The following ATRX variants were observed in gnomAD, a reference collection of about 807,000 sequenced individuals.
ATRX encodes the protein chromatin remodeler ATRX.
ATRX carries 12 observed loss-of-function variants against 172.6 expected under a neutral mutation model. The ratio of observed to expected loss-of-function variants is 0.07; its 90% CI spans 0.04 to 0.11. ATRX has a LOEUF of 0.11. Ranked by LOEUF, ATRX falls within the 10% of genes least tolerant of loss-of-function variation. The pLI is 1.00. For missense variants in ATRX, 1,368 were observed against 1,767.4 expected, an observed-to-expected ratio of 0.77 and a Z score of 4.05; for synonymous variants, 674 against 594.7, an observed-to-expected ratio of 1.13 and a Z score of -1.94.
chrX:77,517,020 T>G (rs868952770), intron 34 of ATRX, among the ~76,000 whole-genome samples: 168 of 109,686 alleles, frequency 1.5e-3, no homozygotes, highest in African/African-American at 5.2e-3. Flanking sequence ...ACTGAAAAAC[T>G]TCTTAAAACG....
intron 1 of ATRX, among the ~76,000 whole-genome samples, chrX:77,757,305 G>A (rs1022822867): frequency 2.7e-5 from 3 of 111,565 alleles, no homozygotes; most frequent in African/African-American, 9.8e-5. Context: ...CACAGCAAGA[G>A]AACTGGATGT....
At chrX:77,555,628 T>G (rs1221291546) in intron 30 of ATRX, among the ~76,000 whole-genome samples, 1 of 110,624 alleles carries the variant, frequency 9.0e-6, no homozygotes, top group African/African-American at 3.3e-5. Context: ...CACTGCATGT[T>G]CTCACTCATA....
intron 4 of ATRX, 125 bp from the exon 5 acceptor site, chrX:77,696,829 T>C: frequency 4.5e-6 from 3 of 673,754 alleles, no homozygotes; most frequent in South Asian, 2.7e-5. Context: ...CAGAATCACC[T>C]AGGGAAGCAT....
intron 21 of ATRX, 104 bp from the exon 22 acceptor site, chrX:77,616,834 G>T: frequency 1.8e-6 from 1 of 556,325 alleles, no homozygotes; most frequent in Admixed American, 2.8e-5. Context: ...AAATAAATAG[G>T]CACTAAACAT....
At chrX:77,734,258 T>TACATACAA (rs1557177669) in intron 1 of ATRX, among the ~76,000 whole-genome samples, 1 of 84,259 alleles carries the variant, frequency 1.2e-5, no homozygotes, top group Non-Finnish European at 2.5e-5. Flanking sequence ...CATACATACA[T>TACATACAA]ACAAAAATTA....
chrX:77,520,474 A>G (rs1166372785), intron 34 of ATRX, among the ~76,000 whole-genome samples: 7 of 111,707 alleles, frequency 6.3e-5, no homozygotes, highest in Admixed American at 9.5e-5. Flanking sequence ...TAAATAAAAT[A>G]CAATTGGCAA....
intron 2 of ATRX, among the ~76,000 whole-genome samples, chrX:77,703,042 A>C (rs1184914289): frequency 3.5e-5 from 4 of 112,717 alleles, no homozygotes; most frequent in Non-Finnish European, 7.5e-5. Flanking sequence ...TAAAACATTA[A>C]ACATCCTTGA....
At position 77,696,709 on chromosome X, in the gene ATRX, G is replaced by GA. The variant is rs1569540561; in HGVS notation, c.243-6dup. ...TTTGTTACAATTGAAGGTTTCCTAT[G>GA]AAAGAATTAAGTTCATAGAATTATG... On this transcript the variant is annotated splice_polypyrimidine_tract_variant and splice_region_variant and intron_variant, in intron 4 of 34. Transcript: ENST00000373344. 7 of 1,190,053 alleles carry GA rather than the reference G, an allele frequency of 5.9e-6. No homozygotes were observed. Among genetic ancestry groups the GA allele is most frequent in the Non-Finnish European group, 8.0e-6 (7 of 876,976 alleles).
At chrX:77,784,446 G>A (rs1218055683) in intron 1 of ATRX, among the ~76,000 whole-genome samples, 1 of 112,162 alleles carries the variant, frequency 8.9e-6, no homozygotes, top group Non-Finnish European at 1.9e-5. Flanking sequence ...GAGAAGATCC[G>A]ACTTCAAACT....
rs782229882 is a variant in ATRX, at chrX:77,652,544, A to G, written c.4318-191T>C. Among the ~76,000 whole-genome samples, 5 of 108,350 alleles carry G rather than the reference A, an allele frequency of 4.6e-5. No homozygotes were observed. In the South Asian group the frequency reaches 2.1e-3, roughly 44 times the overall value. The allele number at this position is 108,350 out of a possible 115,157, so 94.1% of individuals were successfully genotyped here. On this transcript the variant is annotated intron_variant, in intron 14 of 34. Transcript: ENST00000373344. Reference sequence around the variant, plus strand: ...CGGCCGGGCACGGTGGCTCACACCTATAATCCCAGCACTTTGGGAGGCCGA... The same window carrying G: ...CGGCCGGGCACGGTGGCTCACACCTGTAATCCCAGCACTTTGGGAGGCCGA...
chrX:77,542,313 A>C (rs1475397060), intron 30 of ATRX, among the ~76,000 whole-genome samples: 2 of 111,846 alleles, frequency 1.8e-5, no homozygotes, highest in African/African-American at 6.5e-5. Flanking sequence ...AAGGAAATAA[A>C]GAGAGGACAC....
chrX:77,777,835 A>G (rs1557203199), intron 1 of ATRX, among the ~76,000 whole-genome samples: 1 of 111,162 alleles, frequency 9.0e-6, no homozygotes, highest in Non-Finnish European at 1.9e-5. Flanking sequence ...ACACAATCTT[A>G]TTTAAAAGTA....
intron 1 of ATRX, among the ~76,000 whole-genome samples, chrX:77,722,369 A>AAT (rs1557169621): frequency 0.014 from 1,467 of 108,582 alleles, 18 homozygotes; most frequent in Non-Finnish European, 0.021. Flanking sequence ...GCAAAAAAAA[A>AAT]ATATATATAT....
chrX:77,705,910 C>G (rs943924952), intron 2 of ATRX, among the ~76,000 whole-genome samples: 1 of 111,423 alleles, frequency 9.0e-6, no homozygotes, highest in East Asian at 2.8e-4. Context: ...CAATCAAGAC[C>G]GTGGAGTACT....
chrX:77,680,951 G>A lies in ATRX; in HGVS notation c.3736+569C>T, dbSNP rs781899243. ...ATCAGGGTAGGCTAATCCAGCTAAT[G>A]TTTGGATTTTCTTCCTTCATTTTGA... On this transcript the variant is annotated intron_variant, in intron 9 of 34. Coordinates refer to ENST00000373344, the MANE Select transcript of ATRX (RefSeq NM_000489.6). Among the ~76,000 whole-genome samples, 3 of 111,643 alleles carry A rather than the reference G, an allele frequency of 2.7e-5. No homozygotes were observed. In the Admixed American group the frequency reaches 2.9e-4, roughly 11 times the overall value.
chrX:77,513,080 G>A (rs188646714), intron 34 of ATRX, among the ~76,000 whole-genome samples: 1,278 of 109,969 alleles, frequency 0.012, 9 homozygotes, highest in Non-Finnish European at 0.018. Context: ...CACTTTGGGA[G>A]GCCGAGGCGG....
chrX:77,549,824 T>C (rs1314354463), intron 30 of ATRX, among the ~76,000 whole-genome samples: 2 of 111,661 alleles, frequency 1.8e-5, no homozygotes, highest in African/African-American at 3.3e-5. Flanking sequence ...TGAGGGGATT[T>C]AAAATAATAA....
chrX:77,774,656 G>A (rs1323490690), intron 1 of ATRX, among the ~76,000 whole-genome samples: 1 of 109,660 alleles, frequency 9.1e-6, no homozygotes, highest in Non-Finnish European at 1.9e-5. Context: ...CAGCCTGGGC[G>A]ACAGTGTGAG....
At chrX:77,781,886 AG>A (rs2076582134) in intron 1 of ATRX, among the ~76,000 whole-genome samples, 1 of 112,388 alleles carries the variant, frequency 8.9e-6, no homozygotes, top group Admixed American at 9.5e-5. Context: ...AAGTTTATTC[AG>A]ACCCCAAAAG....
Sources: gnomAD v4.1 joint callset for allele counts (sites outside exome capture counted in the v4.1 genomes callset) on GRCh38, gnomAD v4.1.1 for gene constraint, MANE v1.5 for transcripts, NCBI Gene and HGNC (gene_info 2026-07-23, HGNC 2026-07-21) for gene names.